Variants in COMP observed in about 807,000 individuals in gnomAD.
COMP encodes the protein cartilage oligomeric matrix protein (pseudoachondroplasia, epiphyseal dysplasia 1, multiple).
COMP carries 79 observed loss-of-function variants against 95.8 expected under a neutral mutation model. The ratio of observed to expected loss-of-function variants is 0.82; its 90% CI spans 0.69 to 0.99. COMP has a LOEUF of 0.99. Among genes scored for constraint, COMP ranks in the 50% least tolerant of loss-of-function variants. The pLI is 0.00. For missense variants in COMP, 906 were observed against 1,076.1 expected (o/e 0.84, Z 2.21); for synonymous variants, 438 against 433.9 (o/e 1.01, Z -0.12).
chr19:18,783,048 G>A lies in COMP; in HGVS notation c.2227+6C>T, dbSNP rs771687646. 4 of 1,612,032 alleles carry A rather than the reference G, an allele frequency of 2.5e-6. No individual in the cohort carries two copies. The Admixed American group carries it at 5.0e-5, about 20-fold the overall frequency. ...CCCGCCCACGGCCCGCTGGCCCTCG[G>A]CTCACCATTGCAGCGGTAACGCAGG... On this transcript the variant is annotated splice_donor_region_variant and intron_variant, in intron 18 of 18. Transcript: ENST00000222271.
intron 9 of COMP, 102 bp from the exon 10 acceptor site, chr19:18,787,752 C>T: frequency 1.3e-6 from 2 of 1,524,316 alleles, no homozygotes; most frequent in Admixed American, 3.4e-5. Flanking sequence ...CCTCAAGGAA[C>T]CTTTCGCCCC....
intron 13 of COMP, 36 bp from the exon 14 acceptor site, chr19:18,785,887 A>AG: frequency 1.2e-6 from 2 of 1,606,446 alleles, no homozygotes; most frequent in Non-Finnish European, 1.7e-6. Flanking sequence ...GGCTAAAGTC[A>AG]GGGCCCGCCC....
rs2055159494 is a variant in COMP at position 18,785,577 on chromosome 19, G to C, written c.1669-31C>G. The C allele has an allele frequency of 2.5e-6, 4 of 1,613,836 alleles. No individual in the cohort carries two copies. The African/African-American group carries it at 5.3e-5, about 22-fold the overall frequency. The stretch of plus-strand genomic sequence containing the variant: ...GGGGTCAAAGAAAGGAGGGCCTCAG[G>C]CTGGCCGTGACAGCCCTAGGCACCC... On this transcript the variant is annotated intron_variant, in intron 14 of 18. Coordinates refer to ENST00000222271, the MANE Select transcript of COMP (RefSeq NM_000095.3).
rs1365321888 is a variant in COMP, at chr19:18,789,307, G to A, written c.391-10C>T. On this transcript the variant is annotated splice_polypyrimidine_tract_variant and intron_variant, in intron 4 of 18. Transcript: ENST00000222271. This position sits in a 1 kb window ranked among gnomAD's most constrained non-coding sequence, Gnocchi z 6.1. ...AGGGGTGGGCGTTGCACTGGGGGAGGAGGGGCCACAGAGGGTCAGAGGGCT... is the reference window on the plus strand; with the variant it reads ...AGGGGTGGGCGTTGCACTGGGGGAGAAGGGGCCACAGAGGGTCAGAGGGCT... 15 of 1,479,094 alleles carry A rather than the reference G, an allele frequency of 1.0e-5. No individual in the cohort carries two copies. The Admixed American group carries it at 3.7e-4, about 37-fold the overall frequency. 91.6% of individuals were successfully genotyped at this position (1,479,094 alleles called of 1,614,324 possible).
In COMP at chr19:18,788,182, G is replaced by A. The variant is rs2055183478; in HGVS notation, c.975+30C>T. The A allele has an allele frequency of 1.3e-6, 2 of 1,580,500 alleles. No homozygotes were observed. The highest frequency in any genetic ancestry group is 1.7e-5 in the Admixed American group (1 of 59,822). ...CTCCCAAAGTGCTGGGATTACAGGA[G>A]TGAACCACCGTGCCGAGCCGTAGAT... On this transcript the variant is annotated intron_variant, in intron 9 of 18. Transcript: ENST00000222271. This position sits in a 1 kb window ranked among gnomAD's most constrained non-coding sequence, Gnocchi z 4.7.
At position 18,784,784 on chromosome 19, in the gene COMP, T is replaced by C; in HGVS notation, c.1914+112A>G. 1 of 1,205,210 alleles carries C rather than the reference T, an allele frequency of 8.3e-7. No homozygotes were observed. Among genetic ancestry groups the C allele is most frequent in the Non-Finnish European group, 1.2e-6 (1 of 828,960 alleles). The allele number at this position is 1,205,210 out of a possible 1,614,324, so 74.7% of individuals were successfully genotyped here. On this transcript the variant is annotated intron_variant, in intron 16 of 18. Coordinates refer to ENST00000222271, the MANE Select transcript of COMP (RefSeq NM_000095.3). This position sits in a 1 kb window ranked among gnomAD's most constrained non-coding sequence, Gnocchi z 4.9. ...GAGGAGGGCTGGGACAGCTTTGAGG[T>C]CCATAGTATGAGGCTAGGGGGCTGG...
chr19:18,786,623 G>A lies in COMP; in HGVS notation c.1163C>T (p.Pro388Leu), dbSNP rs745555403. The A allele has an allele frequency of 3.1e-6, 5 of 1,614,050 alleles. No individual in the cohort carries two copies. Among genetic ancestry groups the A allele is most frequent in the Admixed American group, 3.3e-5 (2 of 60,010 alleles). The change falls in exon 11 of 19, where the codon CCT becomes CTT. Residue 388 changes from proline to leucine, a missense_variant. Pro to Leu is a moderately conservative substitution (Grantham distance 98, BLOSUM62 -3). Coordinates refer to ENST00000222271, the MANE Select transcript of COMP (RefSeq NM_000095.3). ...DRIRNQADNC[P>L]RVPNSDQKDS... ...CTTCTGGTCTGAGTTGGGTACCCTA[G>A]GGCAGTTGTCGGCCTGGTTGCGGAT... is the stretch of plus-strand genomic sequence containing the variant.
chr19:18,791,031 C>T (rs1481629785), intron 1 of COMP, 96 bp from the exon 2 acceptor site: 2 of 1,522,212 alleles, frequency 1.3e-6, no homozygotes, highest in African/African-American at 2.7e-5. Context: ...CGAGGCCCCA[C>T]TGCGCTCCTC....
Position 18,789,920 on chromosome 19 carries a change from T to C in COMP, c.390+22A>G, listed in dbSNP as rs1299473316. On this transcript the variant is annotated intron_variant, in intron 4 of 18. Coordinates refer to ENST00000222271, the MANE Select transcript of COMP (RefSeq NM_000095.3). The surrounding 1 kb of genome is among the most constrained non-coding windows in gnomAD (Gnocchi z 6.1). ...GCGGTAGAGGGAGTCGTCAGGGCGG[T>C]GGAGTGTCGGGGCTAGCGCACCTCG... The C allele has an allele frequency of 1.9e-6, 3 of 1,594,172 alleles. No homozygotes were observed. The highest frequency in any genetic ancestry group is 2.7e-5 in the African/African-American group (2 of 74,554).
chr19:18,786,453 A>G, intron 11 of COMP, 79 bp downstream of exon 11: 1 of 1,533,288 alleles, frequency 6.5e-7, no homozygotes, highest in Non-Finnish European at 9.0e-7. Context: ...AAAATGCTCT[A>G]AGCTGGGCTG....
At chr19:18,790,735 C>T in intron 2 of COMP, 115 bp downstream of exon 2, 1 of 1,607,162 alleles carries the variant, frequency 6.2e-7, no homozygotes, top group Non-Finnish European at 8.5e-7. Flanking sequence ...TACCCGCCGA[C>T]CCCCTTCCCT....
rs1448223049 is a variant in COMP at position 18,784,775 on chromosome 19, G to A, written c.1914+121C>T. 2 of 1,118,164 alleles carry A rather than the reference G, an allele frequency of 1.8e-6. No individual in the cohort carries two copies. Among genetic ancestry groups the A allele is most frequent in the Admixed American group, 1.8e-5 (1 of 54,800 alleles). The allele number at this position is 1,118,164 out of a possible 1,614,324, so 69.3% of individuals were successfully genotyped here. On this transcript the variant is annotated intron_variant, in intron 16 of 18. Transcript: ENST00000222271. This position sits in a 1 kb window ranked among gnomAD's most constrained non-coding sequence, Gnocchi z 4.9. Reference sequence around the variant, plus strand: ...GGGAGCCCAGAGGAGGGCTGGGACAGCTTTGAGGTCCATAGTATGAGGCTA... The same window carrying A: ...GGGAGCCCAGAGGAGGGCTGGGACAACTTTGAGGTCCATAGTATGAGGCTA...
At position 18,789,995 on chromosome 19, in the gene COMP, G is replaced by C. The variant is rs1310810120; in HGVS notation, c.337C>G (p.Pro113Ala). The change falls in exon 4 of 19, where the codon CCC (proline) becomes GCC (alanine). Residue 113 changes from proline (P) to alanine (A), a missense_variant. Transcript: ENST00000222271. The surrounding 1 kb of genome is among the most constrained non-coding windows in gnomAD (Gnocchi z 6.1). ...IQTESGARCG[P>A]CPAGFTGNGS... Reference sequence around the variant, plus strand: ...TTGCCCGTGAAGCCCGCGGGGCAGGGGCCGCAGCGCGCGCCGCTCTCCGTC... The same window carrying C: ...TTGCCCGTGAAGCCCGCGGGGCAGGCGCCGCAGCGCGCGCCGCTCTCCGTC... 1 of 1,592,340 alleles carries C rather than the reference G, an allele frequency of 6.3e-7. No individual in the cohort carries two copies. The highest frequency in any genetic ancestry group is 1.3e-5 in the African/African-American group (1 of 74,714).
At position 18,785,985 on chromosome 19, in the gene COMP, G is replaced by A. The variant is rs748431274; in HGVS notation, c.1469C>T (p.Pro490Leu). ...CGTACTGTCCGCGTCCTCCTGGCCGGGGTTAGGCACCAGGCGGCAGTTGTC... is the reference window on the plus strand; with the variant it reads ...CGTACTGTCCGCGTCCTCCTGGCCGAGGTTAGGCACCAGGCGGCAGTTGTC... ...SRDNCRLVPN[P>L]GQEDADRDGV... Residue 490 changes from proline to leucine, a missense_variant, in exon 13 of 19, where the codon CCC (proline) becomes CTC (leucine). By Grantham distance (98) the Pro-to-Leu change is moderately conservative. Transcript: ENST00000222271. The A allele has an allele frequency of 2.5e-6, 4 of 1,612,498 alleles. No individual in the cohort carries two copies. The highest frequency in any genetic ancestry group is 3.4e-6 in the Non-Finnish European group (4 of 1,179,820).
At position 18,784,145 on chromosome 19, in the gene COMP, C is replaced by G; in HGVS notation, c.2087+46G>C. The G allele has an allele frequency of 6.2e-7, 1 of 1,604,740 alleles. No individual in the cohort carries two copies. Among genetic ancestry groups the G allele is most frequent in the Non-Finnish European group, 8.5e-7 (1 of 1,173,320 alleles). On this transcript the variant is annotated intron_variant, in intron 17 of 18. Transcript: ENST00000222271. This position sits in a 1 kb window ranked among gnomAD's most constrained non-coding sequence, Gnocchi z 4.9. Reference sequence around the variant, plus strand: ...CCTGGCCAGGGCACTCCCACCTGGGCCTGTGTGTCCCCAGCCCAGCCCACC... The same window carrying G: ...CCTGGCCAGGGCACTCCCACCTGGGGCTGTGTGTCCCCAGCCCAGCCCACC...
At chr19:18,783,791 G>T (rs1020859583) in intron 17 of COMP, among the ~76,000 whole-genome samples, 1 of 152,104 alleles carries the variant, frequency 6.6e-6, no homozygotes, top group African/African-American at 2.4e-5. Flanking sequence ...TGTATTTTTA[G>T]TAGAGATGGG....
intron 11 of COMP, 117 bp from the exon 12 acceptor site, chr19:18,786,408 C>G: frequency 1.3e-6 from 2 of 1,548,474 alleles, no homozygotes; most frequent in Non-Finnish European, 1.8e-6. Context: ...CCACCGCAGG[C>G]TGCTCGGACC....
At position 18,788,950 on chromosome 19, in the gene COMP, A is replaced by C. The variant is rs749818362; in HGVS notation, c.529-37T>G. Reference sequence around the variant, plus strand: ...GAACTCAGAGGTCACCACCCCACGCAGACACCTCCGGACCTCCCACCTCCT... The same window carrying C: ...GAACTCAGAGGTCACCACCCCACGCCGACACCTCCGGACCTCCCACCTCCT... On this transcript the variant is annotated intron_variant, in intron 5 of 18. Coordinates refer to ENST00000222271, the MANE Select transcript of COMP (RefSeq NM_000095.3). The surrounding 1 kb of genome is among the most constrained non-coding windows in gnomAD (Gnocchi z 4.7). 2.5e-6 allele frequency: 4 copies of C among 1,606,422 alleles called. No individual in the cohort carries two copies. Among genetic ancestry groups the C allele is most frequent in the African/African-American group, 1.3e-5 (1 of 74,712 alleles).
In COMP at chr19:18,786,534, G is replaced by C. The variant is rs764879634; in HGVS notation, c.1252C>G (p.Gln418Glu). Residue 418 changes from glutamine to glutamate, a missense_variant and splice_region_variant, in exon 11 of 19, where the codon CAG (glutamine) becomes GAG (glutamate). Transcript: ENST00000222271. ...GCTGGAGTCTGGCCTGCCCTCACCT[G>C]ATCCGGGTTGCTCTTCTGGGGACAG... Reference protein sequence around the residue: ...DNCPQKSNPDQADVDHDFVGD... With the variant: ...DNCPQKSNPDEADVDHDFVGD... 1 of 1,613,468 alleles carries C rather than the reference G, an allele frequency of 6.2e-7. No homozygotes were observed. Among genetic ancestry groups the C allele is most frequent in the East Asian group, 2.2e-5 (1 of 44,858 alleles).
Sources: gnomAD v4.1 joint callset for allele counts (sites outside exome capture counted in the v4.1 genomes callset) on GRCh38, gnomAD v4.1.1 for gene constraint, Gnocchi (gnomAD v3.1) non-coding constraint, MANE v1.5 for transcripts, NCBI Gene and HGNC (gene_info 2026-07-23, HGNC 2026-07-21) for gene names.